RHOJ: variants seen among roughly 807,000 people sequenced by gnomAD.
RHOJ encodes ras homolog family member J, also known as rho-related GTP-binding protein RhoJ.
RHOJ carries 11 observed loss-of-function variants against 23.4 expected under a neutral mutation model. The observed-to-expected ratio is 0.47, with a 90% CI of 0.30 to 0.78. The LOEUF is 0.78. RHOJ is among the 30% of genes least tolerant of loss of function. The probability of loss-of-function intolerance (pLI) is 0.08; values close to 1 mark genes in which losing one functional copy is unlikely to be tolerated. For missense variants in RHOJ, 254 were observed against 273.4 expected (o/e 0.93, Z 0.50); for synonymous variants, 102 against 102.7 (o/e 0.99, Z 0.04).
intron 1 of RHOJ, among the ~76,000 whole-genome samples, chr14:63,228,373 T>C (rs1306927492): frequency 1.3e-5 from 2 of 152,226 alleles, no homozygotes; most frequent in Non-Finnish European, 2.9e-5. Context: ...TTCTCATACA[T>C]GTGCAGAATG....
intron 2 of RHOJ, among the ~76,000 whole-genome samples, chr14:63,275,837 AG>A (rs1474887816): frequency 6.6e-6 from 1 of 152,172 alleles, no homozygotes; most frequent in Non-Finnish European, 1.5e-5. Context: ...CATCTAACCC[AG>A]GGCCAAAGCA....
chr14:63,218,978 T>G (rs1229425266), intron 1 of RHOJ, among the ~76,000 whole-genome samples: 1 of 152,138 alleles, frequency 6.6e-6, no homozygotes, highest in African/African-American at 2.4e-5. Flanking sequence ...TAGAAGAGGG[T>G]TGGGATATAG....
intron 1 of RHOJ, among the ~76,000 whole-genome samples, chr14:63,228,017 G>A (rs1003407258): frequency 5.9e-5 from 9 of 152,048 alleles, no homozygotes; most frequent in South Asian, 2.1e-4. Context: ...GGATAAGAAC[G>A]GCTTCCAAGA....
chr14:63,270,108 C>T (rs950071344), intron 2 of RHOJ, among the ~76,000 whole-genome samples: 3 of 150,586 alleles, frequency 2.0e-5, no homozygotes, highest in Non-Finnish European at 4.4e-5. Flanking sequence ...ACATTTTACC[C>T]TGCTATTTCT....
In RHOJ at chr14:63,264,899, T is replaced by G. The variant is rs143178877; in HGVS notation, c.179-4211T>G. 7.5e-3 allele frequency among the ~76,000 whole-genome samples: 1,148 copies of G among 152,338 alleles called. 13 individuals are homozygous for G. Among genetic ancestry groups the G allele is most frequent in the African/African-American group, 0.027 (1,105 of 41,572 alleles). On this transcript the variant is annotated intron_variant, in intron 1 of 4. Coordinates refer to ENST00000316754, the MANE Select transcript of RHOJ (RefSeq NM_020663.5). ...TTCTTGAATTAAATTCCTTATAGAT[T>G]CTGAATATTATACCTCTGTCAGATG... is the stretch of plus-strand genomic sequence containing the variant.
At chr14:63,249,904 A>C (rs1268303737) in intron 1 of RHOJ, among the ~76,000 whole-genome samples, 3 of 152,214 alleles carry the variant, frequency 2.0e-5, no homozygotes, top group African/African-American at 7.2e-5. Context: ...AGACAAAGAT[A>C]ATGTCTCCTA....
At chr14:63,222,166 A>C (rs148261254) in intron 1 of RHOJ, among the ~76,000 whole-genome samples, 5 of 151,938 alleles carry the variant, frequency 3.3e-5, no homozygotes, top group Admixed American at 1.3e-4. Flanking sequence ...ATCCTTATTT[A>C]TGGCTGCATA....
At chr14:63,236,460 G>A (rs566692029) in intron 1 of RHOJ, among the ~76,000 whole-genome samples, 5 of 152,218 alleles carry the variant, frequency 3.3e-5, no homozygotes, top group South Asian at 2.1e-4. Flanking sequence ...CACATCCTAC[G>A]TGGATGGTGT....
chr14:63,213,072 T>A (rs182857205), intron 1 of RHOJ, among the ~76,000 whole-genome samples: 1 of 152,242 alleles, frequency 6.6e-6, no homozygotes, highest in Non-Finnish European at 1.5e-5. Flanking sequence ...GCTAAGATGC[T>A]GTAACAGATA....
intron 4 of RHOJ, among the ~76,000 whole-genome samples, chr14:63,283,778 C>G (rs1453843391): frequency 6.6e-6 from 1 of 152,176 alleles, no homozygotes; most frequent in African/African-American, 2.4e-5. Context: ...GGCTGTTTGG[C>G]AGATAATAGC....
chr14:63,221,766 G>T (rs533995362), intron 1 of RHOJ, among the ~76,000 whole-genome samples: 18 of 152,334 alleles, frequency 1.2e-4, no homozygotes, highest in African/African-American at 4.3e-4. Context: ...ACTACATAAT[G>T]GGCGCAGCCT....
rs761816634 is a variant in RHOJ at position 63,204,833 on chromosome 14, A to G, written c.-37A>G. On this transcript the variant is annotated 5_prime_UTR_variant, in exon 1 of 5. Coordinates refer to ENST00000316754, the MANE Select transcript of RHOJ (RefSeq NM_020663.5). ...TGCTTTGGAAAAAGCAGGAGAAGCA[A>G]TAGCAGCAGGAGTCCCCAGCAGCTG... is the stretch of plus-strand genomic sequence containing the variant. 47 of 1,580,552 alleles carry G rather than the reference A, an allele frequency of 3.0e-5. No individual in the cohort carries two copies. The Admixed American group carries it at 8.4e-4, about 28-fold the overall frequency.
intron 1 of RHOJ, among the ~76,000 whole-genome samples, chr14:63,212,192 G>C (rs907259900): frequency 6.6e-6 from 1 of 152,166 alleles, no homozygotes; most frequent in African/African-American, 2.4e-5. Context: ...AGGCCTGGAA[G>C]TGACAAACAT....
intron 2 of RHOJ, among the ~76,000 whole-genome samples, chr14:63,270,186 T>TTTTTTC (rs1895443049): frequency 1.3e-5 from 2 of 149,734 alleles, no homozygotes; most frequent in African/African-American, 5.0e-5. Flanking sequence ...TTTTTTTTTT[T>TTTTTTC]CACAATTGTT....
chr14:63,287,604 T>G (rs879369329), intron 4 of RHOJ, among the ~76,000 whole-genome samples: 10 of 152,148 alleles, frequency 6.6e-5, no homozygotes, highest in Non-Finnish European at 1.2e-4. Flanking sequence ...TTACGGTTTT[T>G]TTTTTTTTTT....
At chr14:63,261,043 T>C (rs964785478) in intron 1 of RHOJ, among the ~76,000 whole-genome samples, 4 of 152,234 alleles carry the variant, frequency 2.6e-5, no homozygotes, top group Non-Finnish European at 5.9e-5. Flanking sequence ...AATGAATCCA[T>C]AAATTTGCAT....
Position 63,226,854 on chromosome 14 carries a change from T to C in RHOJ, c.178+21807T>C, listed in dbSNP as rs1894603529. On this transcript the variant is annotated intron_variant, in intron 1 of 4. Coordinates refer to ENST00000316754, the MANE Select transcript of RHOJ (RefSeq NM_020663.5). ...CAGGCAAAAAGATCAGGTCACGTAA[T>C]GAGATGAAGGGAGCATGTTATATAT... Among the ~76,000 whole-genome samples, 3 of 152,104 alleles carry C rather than the reference T, an allele frequency of 2.0e-5. No individual in the cohort carries two copies. The South Asian group carries it at 6.2e-4, about 31-fold the overall frequency.
chr14:63,290,366 C>G (rs1882208597), intron 4 of RHOJ, among the ~76,000 whole-genome samples: 1 of 152,142 alleles, frequency 6.6e-6, no homozygotes, highest in Non-Finnish European at 1.5e-5. Flanking sequence ...ATCATTCACT[C>G]TCTTTCTATC....
chr14:63,262,193 A>G (rs1032168723), intron 1 of RHOJ, among the ~76,000 whole-genome samples: 2 of 152,186 alleles, frequency 1.3e-5, no homozygotes, highest in African/African-American at 2.4e-5. Context: ...AGGGGCTTTG[A>G]TGGTTTACAG....
Sources: gnomAD v4.1 joint callset for allele counts (sites outside exome capture counted in the v4.1 genomes callset) on GRCh38, gnomAD v4.1.1 for gene constraint, MANE v1.5 for transcripts, NCBI Gene and HGNC (gene_info 2026-07-23, HGNC 2026-07-21) for gene names.